RIPK1: variants seen among roughly 807,000 people sequenced by gnomAD.
The protein encoded by RIPK1 is receptor interacting serine/threonine kinase 1.
A neutral mutation model predicts 62.4 loss-of-function variants in RIPK1; 27 were observed. The observed-to-expected ratio is 0.43, with a 90% confidence interval of 0.32 to 0.60. RIPK1 has a LOEUF of 0.60. Ranked by LOEUF, RIPK1 falls within the 20% of genes least tolerant of loss-of-function variation. The pLI is 0.07. For synonymous variants in RIPK1, 287 were observed against 303.2 expected, an observed-to-expected ratio of 0.95 and a Z score of 0.55; for missense variants, 735 against 831.0, an observed-to-expected ratio of 0.88 and a Z score of 1.42.
upstream of RIPK1, among the ~76,000 whole-genome samples, chr6:3,065,054 A>T (rs181486169): frequency 2.0e-5 from 3 of 152,024 alleles, no homozygotes; most frequent in East Asian, 5.8e-4. Context: ...CATCCTGGCT[A>T]ACACTGTGAA....
intron 1 of RIPK1, 30 bp from the exon 2 acceptor site, chr6:3,076,734 C>A: frequency 6.0e-6 from 5 of 836,362 alleles, no homozygotes; most frequent in East Asian, 4.0e-5. Context: ...ATAGTCTTGC[C>A]CTGAGGTTTT....
In RIPK1 at chr6:3,081,112, T is replaced by A. The variant is rs1759355954; in HGVS notation, c.455T>A (p.Ile152Asn). 6.2e-7 allele frequency: 1 copy of A among 1,613,604 alleles called. No individual in the cohort carries two copies. The highest frequency in any genetic ancestry group is 8.5e-7 in the Non-Finnish European group (1 of 1,179,878). ...ENILVDNDFH[I>N]KIADLGLASF... is the part of the protein sequence containing the mutation. ...ATCCTTGTTGATAATGACTTCCACA[T>A]TAAGGTAAACCATCATCGGTAGGCT... is the stretch of plus-strand genomic sequence containing the variant. The change falls in exon 4 of 11, where the codon ATT becomes AAT. Residue 152 changes from isoleucine to asparagine, a missense_variant. Ile to Asn is a moderately radical substitution (Grantham distance 149). Around this residue, in one of 2 missense-constraint regions of RIPK1, gnomAD observed 671 missense variants for 726.2 expected, o/e 0.92. Coordinates refer to ENST00000259808, the MANE Select transcript of RIPK1 (RefSeq NM_001354930.2).
intron 10 of RIPK1, among the ~76,000 whole-genome samples, chr6:3,112,140 G>GT (rs1409612362): frequency 1.3e-5 from 2 of 151,840 alleles, no homozygotes; most frequent in African/African-American, 4.9e-5. Flanking sequence ...TCGGTCGGCA[G>GT]TGGGGTGGAG....
rs776917102 is a variant in RIPK1, at chr6:3,113,071, C to T, written c.1748C>T (p.Thr583Met). Residue 583 changes from threonine (T) to methionine (M), a missense_variant, in exon 11 of 11, where the codon ACG becomes ATG. By Grantham distance (81) the Thr-to-Met change is moderately conservative. This residue lies in a region of RIPK1 where 671 missense variants were observed against 726.2 expected (regional missense o/e 0.92). Coordinates refer to ENST00000259808, the MANE Select transcript of RIPK1 (RefSeq NM_001354930.2). The surrounding 1 kb of genome is among the most constrained non-coding windows in gnomAD (Gnocchi z 5.0). ...QAIFDNTTSLTDKHLDPIREN... is the reference protein window; with the variant it reads ...QAIFDNTTSLMDKHLDPIREN... ...TTGGCAGATAATACCACTAGTCTGACGGATAAACACCTGGACCCAATCAGG... is the reference window on the plus strand; with the variant it reads ...TTGGCAGATAATACCACTAGTCTGATGGATAAACACCTGGACCCAATCAGG... 98 of 1,567,834 alleles carry T rather than the reference C, an allele frequency of 6.3e-5. No individual in the cohort carries two copies. The highest frequency in any genetic ancestry group is 3.4e-4 in the Middle Eastern group (2 of 5,836).
rs575209089 is a variant in RIPK1 at position 3,106,896 on chromosome 6, T to G, written c.1576+845T>G. The stretch of plus-strand genomic sequence containing the variant: ...TTTCCTTCATGTTGGGGATAAAATT[T>G]TTTATTAGTATTGCCATATCATTTT... On this transcript the variant is annotated intron_variant, in intron 9 of 10. Transcript: ENST00000259808. 2.6e-5 allele frequency among the ~76,000 whole-genome samples: 4 copies of G among 152,342 alleles called. No homozygotes were observed. The East Asian group carries it at 7.7e-4, about 29-fold the overall frequency.
chr6:3,085,328 C>T lies in RIPK1; in HGVS notation c.758C>T (p.Thr253Ile), dbSNP rs754232528. 18 of 1,614,190 alleles carry T rather than the reference C, an allele frequency of 1.1e-5. No homozygotes were observed. Among genetic ancestry groups the T allele is most frequent in the Non-Finnish European group, 1.5e-5 (18 of 1,179,996 alleles). The change falls in exon 6 of 11, where the codon ACT (threonine) becomes ATT (isoleucine). Residue 253 changes from threonine (T) to isoleucine (I), a missense_variant. By Grantham distance (89) the Thr-to-Ile change is moderately conservative (BLOSUM62 -1). This residue lies in a region of RIPK1 where 671 missense variants were observed against 726.2 expected (regional missense o/e 0.92). Transcript: ENST00000259808. ...AACAGGCCAGATGTGGATGACATCA[C>T]TGAGTACTGCCCAAGAGAAATTATC... ...SGNRPDVDDI[T>I]EYCPREIISL...
intron 7 of RIPK1, among the ~76,000 whole-genome samples, chr6:3,096,228 G>C (rs1760283132): frequency 6.6e-6 from 1 of 151,960 alleles, no homozygotes; most frequent in Non-Finnish European, 1.5e-5. Context: ...TATTTTAGTA[G>C]AGCAAGAAAA....
intron 1 of RIPK1, among the ~76,000 whole-genome samples, chr6:3,070,297 T>C (rs1238788530): frequency 6.6e-6 from 1 of 152,258 alleles, no homozygotes; most frequent in African/African-American, 2.4e-5. Flanking sequence ...TATAACGTGT[T>C]AACATCCATA....
rs1761114937 is a variant in RIPK1, at chr6:3,110,785, G to A, written c.1577-18G>A. 6.6e-7 allele frequency: 1 copy of A among 1,503,762 alleles called. No individual in the cohort carries two copies. The highest frequency in any genetic ancestry group is 1.4e-5 in the African/African-American group (1 of 71,448). 93.2% of individuals were successfully genotyped at this position (1,503,762 alleles called of 1,614,324 possible). ...TTTTGATCTAGAATTACTTACCTGT[G>A]TGTTTCTCTCTATGCAGATGAATCT... On this transcript the variant is annotated intron_variant, in intron 9 of 10. Coordinates refer to ENST00000259808, the MANE Select transcript of RIPK1 (RefSeq NM_001354930.2).
At chr6:3,076,297 T>C (rs1424396248) in intron 1 of RIPK1, among the ~76,000 whole-genome samples, 1 of 152,148 alleles carries the variant, frequency 6.6e-6, no homozygotes, top group Non-Finnish European at 1.5e-5. Context: ...AAATAGCTCA[T>C]CAGATGACTG....
At chr6:3,110,497 C>G (rs935881062) in intron 9 of RIPK1, among the ~76,000 whole-genome samples, 8 of 152,012 alleles carry the variant, frequency 5.3e-5, no homozygotes, top group Admixed American at 1.3e-4. Flanking sequence ...TGTGAGCCAC[C>G]GCACCTGGCC....
chr6:3,089,752 G>C, intron 7 of RIPK1, 95 bp downstream of exon 7: 1 of 759,120 alleles, frequency 1.3e-6, no homozygotes, highest in Admixed American at 2.3e-5. Context: ...ATTGAGATTT[G>C]AGGTAAGCTA....
intron 7 of RIPK1, among the ~76,000 whole-genome samples, chr6:3,090,531 A>G (rs906334556): frequency 6.6e-6 from 1 of 152,146 alleles, no homozygotes. Context: ...ACCGCTTTAA[A>G]TGTGGATCCA....
intron 6 of RIPK1, among the ~76,000 whole-genome samples, chr6:3,087,029 T>C (rs1316121050): frequency 6.6e-6 from 1 of 152,232 alleles, no homozygotes; most frequent in Non-Finnish European, 1.5e-5. Context: ...GTGTCTTCTT[T>C]TATTGTTTCC....
intron 1 of RIPK1, among the ~76,000 whole-genome samples, chr6:3,076,275 T>A (rs1759042080): frequency 6.6e-6 from 1 of 152,170 alleles, no homozygotes; most frequent in Non-Finnish European, 1.5e-5. Flanking sequence ...CTCTGATTCT[T>A]AAAAATATGA....
Position 3,083,091 on chromosome 6 carries a change from G to C in RIPK1, c.466G>C (p.Asp156His). The change falls in exon 5 of 11, where the codon GAC becomes CAC. Residue 156 changes from aspartate (D) to histidine (H), a missense_variant. Asp to His is a moderately conservative substitution (Grantham distance 81). This residue lies in a region of RIPK1 where 671 missense variants were observed against 726.2 expected (regional missense o/e 0.92). Coordinates refer to ENST00000259808, the MANE Select transcript of RIPK1 (RefSeq NM_001354930.2). ...GGCTCAATGTCTTTCGCAGATCGCAGACCTCGGCCTTGCCTCCTTTAAGAT... is the reference window on the plus strand; with the variant it reads ...GGCTCAATGTCTTTCGCAGATCGCACACCTCGGCCTTGCCTCCTTTAAGAT... Reference protein sequence around the residue: ...VDNDFHIKIADLGLASFKMWS... With the variant: ...VDNDFHIKIAHLGLASFKMWS... The C allele has an allele frequency of 6.2e-7, 1 of 1,613,938 alleles. No individual in the cohort carries two copies.
intron 4 of RIPK1, among the ~76,000 whole-genome samples, chr6:3,081,651 G>A (rs954512397): frequency 4.0e-5 from 6 of 151,826 alleles, no homozygotes; most frequent in South Asian, 2.1e-4. Context: ...ACCTGAGGTC[G>A]GGAGTTCGAG....
chr6:3,108,507 G>A (rs745496040), intron 9 of RIPK1, among the ~76,000 whole-genome samples: 1 of 152,210 alleles, frequency 6.6e-6, no homozygotes, highest in African/African-American at 2.4e-5. Context: ...TAAGCCCGCG[G>A]TGAGCGCAGA....
At chr6:3,082,230 G>A (rs1255400342) in intron 4 of RIPK1, among the ~76,000 whole-genome samples, 1 of 152,160 alleles carries the variant, frequency 6.6e-6, no homozygotes, top group Non-Finnish European at 1.5e-5. Context: ...TGCGTCTAGC[G>A]CTTTGTCCTA....
Sources: allele counts gnomAD v4.1 joint callset (sites outside exome capture counted in the v4.1 genomes callset), GRCh38; gene constraint gnomAD v4.1.1; regional missense constraint gnomAD v4.1.1; non-coding constraint Gnocchi (gnomAD v3.1); transcripts MANE v1.5; gene names NCBI Gene and HGNC (gene_info 2026-07-23, HGNC 2026-07-21).